Variants in PTK2 observed in about 807,000 individuals in gnomAD.
The protein encoded by PTK2 is protein tyrosine kinase 2.
PTK2 carries 45 observed loss-of-function variants against 150.1 expected under a neutral mutation model. That is an observed-to-expected ratio of 0.30 (90% CI 0.24 to 0.38). PTK2 has a LOEUF of 0.38. Ranked by LOEUF, PTK2 falls within the 10% of genes least tolerant of loss-of-function variation. PTK2 has a pLI of 1.00. For synonymous variants in PTK2, 432 were observed against 449.2 expected, an observed-to-expected ratio of 0.96 and a Z score of 0.48; for missense variants, 919 against 1,307.3, an observed-to-expected ratio of 0.70 and a Z score of 4.58.
At chr8:140,758,763 G>A (rs1441074862) in intron 16 of PTK2, among the ~76,000 whole-genome samples, 1 of 152,194 alleles carries the variant, frequency 6.6e-6, no homozygotes, top group Non-Finnish European at 1.5e-5. Context: ...CGTAGCCAAA[G>A]CGTACAGTGT....
intron 1 of PTK2, among the ~76,000 whole-genome samples, chr8:140,986,796 C>G (rs534184450): frequency 1.3e-5 from 2 of 152,338 alleles, no homozygotes; most frequent in African/African-American, 2.4e-5. Flanking sequence ...TAAGTGTTCT[C>G]TGGAGGAAGC....
At chr8:140,735,218 C>A (rs766024700) in intron 22 of PTK2, 33 bp downstream of exon 25, 2 of 1,591,898 alleles carry the variant, frequency 1.3e-6, no homozygotes, top group Admixed American at 3.4e-5. Flanking sequence ...AATCTGCCCC[C>A]ACCCCCAGGC....
chr8:140,774,075 T>C (rs1306184894), intron 14 of PTK2, among the ~76,000 whole-genome samples: 1 of 152,200 alleles, frequency 6.6e-6, no homozygotes, highest in African/African-American at 2.4e-5. Context: ...CTTACTGCAA[T>C]CCTACCTATT....
chr8:140,936,861 A>G (rs1410884702), intron 1 of PTK2, among the ~76,000 whole-genome samples: 1 of 121,818 alleles, frequency 8.2e-6, no homozygotes, highest in Non-Finnish European at 2.1e-5. Flanking sequence ...TCTAGAGAAC[A>G]TCTTTTTTTT....
intron 5 of PTK2, among the ~76,000 whole-genome samples, chr8:140,847,497 A>C (rs774770927): frequency 6.6e-6 from 1 of 152,242 alleles, no homozygotes; most frequent in Admixed American, 6.5e-5. Context: ...GCCTGAAAAG[A>C]TTAAAATCTG....
chr8:140,751,254 G>C (rs1471888699), intron 17 of PTK2, among the ~76,000 whole-genome samples: 1 of 152,092 alleles, frequency 6.6e-6, no homozygotes, highest in African/African-American at 2.4e-5. Flanking sequence ...CTGCTACATG[G>C]GCCTCCCAGG....
chr8:140,931,061 ACT>A (rs1569117841), intron 1 of PTK2, among the ~76,000 whole-genome samples: 1 of 136,920 alleles, frequency 7.3e-6, no homozygotes, highest in Non-Finnish European at 1.6e-5. Flanking sequence ...GCAGAGCGAG[ACT>A]CTGTCTCAAA....
At chr8:140,675,828 C>G (rs564116444) in intron 27 of PTK2, 1 of 198,284 alleles carries the variant, frequency 5.0e-6, no homozygotes, top group Non-Finnish European at 1.0e-5. Flanking sequence ...GGAAAATGAA[C>G]TAGAAAAACT....
At chr8:140,906,797 T>C (rs924183635) in intron 2 of PTK2, among the ~76,000 whole-genome samples, 4 of 152,196 alleles carry the variant, frequency 2.6e-5, no homozygotes, top group East Asian at 1.9e-4. Flanking sequence ...AAAATGAGAA[T>C]TGTAATGTTC....
rs150607465 is a variant in PTK2, at chr8:140,667,466, C to T, written c.2865+803G>A. Among the ~76,000 whole-genome samples the T allele has an allele frequency of 9.7e-3, 526 of 54,160 alleles. 3 individuals are homozygous for T. The highest frequency in any genetic ancestry group is 0.032 in the African/African-American group (496 of 15,282). 35.5% of individuals were successfully genotyped at this position (54,160 alleles called of 152,430 possible). A position where few individuals can be genotyped will look rare whatever the true frequency, so the allele number is the denominator to read the frequency against. ...CCTCTTTCTTTCTCTCTCTCTCTCT[C>T]TTTTTTTTTTTTTTTAAAGAGATGG... On this transcript the variant is annotated intron_variant, in intron 30 of 31. Transcript: ENST00000522684.
At chr8:140,997,683 A>G (rs2100198312) in intron 1 of PTK2, among the ~76,000 whole-genome samples, 1 of 152,242 alleles carries the variant, frequency 6.6e-6, no homozygotes, top group East Asian at 1.9e-4. Flanking sequence ...TCATGCCTGT[A>G]ATCCCAGCAC....
chr8:140,701,244 G>A (rs78974440), intron 25 of PTK2, among the ~76,000 whole-genome samples: 36,877 of 152,078 alleles, frequency 0.24, 5,087 homozygotes, highest in Admixed American at 0.37. Context: ...AGATTCACTT[G>A]TAAGGGTCTA....
At chr8:140,860,446 C>T (rs924820821) in intron 5 of PTK2, among the ~76,000 whole-genome samples, 7 of 152,152 alleles carry the variant, frequency 4.6e-5, no homozygotes, top group Non-Finnish European at 4.4e-5. Context: ...TTTTGGTATA[C>T]TGGCCAATTC....
At chr8:140,957,293 T>G (rs535760637) in intron 1 of PTK2, among the ~76,000 whole-genome samples, 4 of 152,160 alleles carry the variant, frequency 2.6e-5, no homozygotes, top group South Asian at 2.1e-4. Context: ...CTGGGCATGG[T>G]GGCACACGCA....
At chr8:140,897,393 T>G (rs2100156735) in intron 2 of PTK2, among the ~76,000 whole-genome samples, 1 of 151,918 alleles carries the variant, frequency 6.6e-6, no homozygotes, top group South Asian at 2.1e-4. Flanking sequence ...AATGTTATTT[T>G]GTTTTACACT....
rs2100130361 is a variant in PTK2, at chr8:140,853,131, T to G, written c.451-6453A>C. ...ATGAGACTGACCTCCAACACACACC[T>G]TAAACACTCAAGCTCAGGCCAGAGT... On this transcript the variant is annotated intron_variant, in intron 5 of 31. Coordinates refer to ENST00000522684, the Ensembl canonical transcript of PTK2. 2.6e-5 allele frequency among the ~76,000 whole-genome samples: 4 copies of G among 152,068 alleles called. No homozygotes were observed. The South Asian group carries it at 8.3e-4, about 32-fold the overall frequency.
chr8:140,739,216 C>T lies in PTK2; in HGVS notation c.1736-109G>A, dbSNP rs1016803889. The T allele has an allele frequency of 9.8e-6, 6 of 612,422 alleles. No homozygotes were observed. In the South Asian group the frequency reaches 2.3e-4, roughly 24 times the overall value. The allele number at this position is 612,422 out of a possible 1,614,324, so 37.9% of individuals were successfully genotyped here. ...AGGAAAAAGCTTTAACTATTTGAAC[C>T]CTTGAGGCTTCCATTTATTTGGGAG... is the stretch of plus-strand genomic sequence containing the variant. On this transcript the variant is annotated intron_variant, in intron 20 of 31. Transcript: ENST00000522684.
chr8:140,945,423 A>G (rs1007774760), intron 1 of PTK2, among the ~76,000 whole-genome samples: 3 of 152,068 alleles, frequency 2.0e-5, no homozygotes, highest in Non-Finnish European at 4.4e-5. Flanking sequence ...TTCCTCCACA[A>G]AAAATTTTAA....
intron 7 of PTK2, among the ~76,000 whole-genome samples, chr8:140,845,354 C>A (rs1312498450): frequency 2.0e-5 from 3 of 152,154 alleles, no homozygotes; most frequent in African/African-American, 7.2e-5. Context: ...CCCCAACCAA[C>A]TCAGTTTCCT....
Sources: gnomAD v4.1 joint callset for allele counts (sites outside exome capture counted in the v4.1 genomes callset) on GRCh38, gnomAD v4.1.1 for gene constraint, MANE v1.5 for transcripts, NCBI Gene and HGNC (gene_info 2026-07-23, HGNC 2026-07-21) for gene names.